The following ITGB8 variants were observed in gnomAD, a reference collection of about 807,000 sequenced individuals.
The protein encoded by ITGB8 is integrin beta-8.
A neutral mutation model predicts 89.5 loss-of-function variants in ITGB8; 30 were observed. That is an observed-to-expected ratio of 0.34 (90% CI 0.25 to 0.45). ITGB8 has a LOEUF of 0.45. Among genes scored for constraint, ITGB8 ranks in the 20% least tolerant of loss-of-function variants. ITGB8 has a pLI of 1.00. For synonymous variants in ITGB8, 335 were observed against 320.4 expected, an observed-to-expected ratio of 1.05 and a Z score of -0.49; for missense variants, 836 against 933.3, an observed-to-expected ratio of 0.90 and a Z score of 1.36.
In ITGB8 at chr7:20,381,814, G is replaced by T. The variant is rs573500863; in HGVS notation, c.889G>T (p.Ala297Ser). The T allele has an allele frequency of 3.7e-6, 6 of 1,614,064 alleles. No homozygotes were observed. In the African/African-American group the frequency reaches 5.3e-5, roughly 14 times the overall value. Reference sequence around the variant, plus strand: ...TCATCTCGCTCTTGATAGCAAATTGGCAGGCATAGTGGTGCCCAATGACGG... The same window carrying T: ...TCATCTCGCTCTTGATAGCAAATTGTCAGGCATAGTGGTGCCCAATGACGG... ...TSHLALDSKL[A>S]GIVVPNDGNC... Residue 297 changes from alanine (A) to serine (S), a missense_variant, in exon 6 of 14, where the codon GCA becomes TCA. Around this residue, in one of 5 missense-constraint regions of ITGB8, gnomAD observed 192 missense variants for 267.1 expected, o/e 0.72. Coordinates refer to ENST00000222573, the MANE Select transcript of ITGB8 (RefSeq NM_002214.3).
At chr7:20,338,829 T>C (rs2128126273) in intron 1 of ITGB8, among the ~76,000 whole-genome samples, 1 of 152,314 alleles carries the variant, frequency 6.6e-6, no homozygotes, top group East Asian at 1.9e-4. Context: ...TTGCAAATCA[T>C]GTTACAATGA....
At chr7:20,377,094 A>AC (rs1428260487) in intron 3 of ITGB8, among the ~76,000 whole-genome samples, 20 of 152,146 alleles carry the variant, frequency 1.3e-4, no homozygotes, top group African/African-American at 4.3e-4. Flanking sequence ...TGAATAGCTT[A>AC]CCTCCAAGGA....
In ITGB8 at chr7:20,409,974, G is replaced by A. The variant is rs757024284; in HGVS notation, c.2287G>A (p.Glu763Lys). The A allele has an allele frequency of 2.5e-6, 4 of 1,611,736 alleles. No homozygotes were observed. The South Asian group carries it at 4.4e-5, about 18-fold the overall frequency. Residue 763 changes from glutamate to lysine, a missense_variant, in exon 14 of 14, where the codon GAA becomes AAA. This residue lies in a region of ITGB8 where 422 missense variants were observed against 416.9 expected (regional missense o/e 1.01). Coordinates refer to ENST00000222573, the MANE Select transcript of ITGB8 (RefSeq NM_002214.3). ...GGATATCAGCAAATTAAATGCTCAT[G>A]AAACTTTCAGGTGCAACTTCTAAAA... is the stretch of plus-strand genomic sequence containing the variant. ...KMDISKLNAH[E>K]TFRCNF
intron 1 of ITGB8, among the ~76,000 whole-genome samples, chr7:20,353,758 C>T (rs1039239102): frequency 6.7e-6 from 1 of 148,522 alleles, no homozygotes; most frequent in Non-Finnish European, 1.5e-5. Context: ...ACGGTGAAAC[C>T]CCGTCTCTAC....
In ITGB8 at chr7:20,367,113, T is replaced by C. The variant is rs779524445; in HGVS notation, c.315T>C (p.His105=). The C allele has an allele frequency of 4.3e-6, 7 of 1,610,948 alleles. No homozygotes were observed. The highest frequency in any genetic ancestry group is 5.1e-6 in the Non-Finnish European group (6 of 1,177,276). ...SVDSIEYPSV[H]VIIPTENEIN... is the part of the protein sequence containing the mutation. ...ATTCAATAGAATACCCATCTGTGCA[T>C]GTTATAATACCCACTGAAAATGAAA... is the stretch of plus-strand genomic sequence containing the variant. The change falls in exon 3 of 14, where the codon CAT becomes CAC. Residue 105 remains histidine (H), a synonymous_variant. Coordinates refer to ENST00000222573, the MANE Select transcript of ITGB8 (RefSeq NM_002214.3).
chr7:20,377,667 G>C (rs1468021619), intron 3 of ITGB8, among the ~76,000 whole-genome samples: 2 of 152,202 alleles, frequency 1.3e-5, no homozygotes, highest in Non-Finnish European at 2.9e-5. Context: ...CAAGGGATGA[G>C]AGAATGGACT....
chr7:20,368,243 A>C (rs1785783487), intron 3 of ITGB8, among the ~76,000 whole-genome samples: 1 of 152,238 alleles, frequency 6.6e-6, no homozygotes, highest in African/African-American at 2.4e-5. Flanking sequence ...GGAATATACA[A>C]AAATGAAAGT....
At chr7:20,362,348 A>G (rs939118859) in intron 1 of ITGB8, among the ~76,000 whole-genome samples, 3 of 152,226 alleles carry the variant, frequency 2.0e-5, no homozygotes, top group Admixed American at 6.5e-5. Flanking sequence ...ACATACACAC[A>G]TGTGCATGAG....
rs1427471425 is a variant in ITGB8 at position 20,415,457 on chromosome 7, A to G, written c.*5460A>G. On this transcript the variant is annotated 3_prime_UTR_variant, in exon 14 of 14. Coordinates refer to ENST00000222573, the MANE Select transcript of ITGB8 (RefSeq NM_002214.3). ...ATTATCACTGAACATATTTCTTATT[A>G]TTTCTGGCTTTGAATTATACGTAAC... is the stretch of plus-strand genomic sequence containing the variant. The G allele has an allele frequency of 6.6e-6, 1 of 152,464 alleles. No homozygotes were observed. Among genetic ancestry groups the G allele is most frequent in the Non-Finnish European group, 1.5e-5 (1 of 67,928 alleles). 9.4% of individuals were successfully genotyped at this position (152,464 alleles called of 1,614,324 possible).
chr7:20,389,261 T>C (rs1365739012), intron 6 of ITGB8, among the ~76,000 whole-genome samples: 1 of 152,208 alleles, frequency 6.6e-6, no homozygotes, highest in Non-Finnish European at 1.5e-5. Flanking sequence ...AAAGCATTCC[T>C]ATTTTTCCAA....
rs756525412 is a variant in ITGB8 at position 20,365,891 on chromosome 7, CT to C, written c.214-1106del. The stretch of plus-strand genomic sequence containing the variant: ...GAAGGAGAGGCAAGGGAGAGGCAGG[CT>C]TTTTTTTTTTTTTTCTCCCCATGAT... On this transcript the variant is annotated intron_variant, in intron 2 of 13. Coordinates refer to ENST00000222573, the MANE Select transcript of ITGB8 (RefSeq NM_002214.3). The C allele has an allele frequency of 4.9e-3, 664 of 136,706 alleles. 2 individuals are homozygous for C. Among genetic ancestry groups the C allele is most frequent in the South Asian group, 0.015 (65 of 4,288 alleles). The allele number at this position is 136,706 out of a possible 1,614,324, so 8.5% of individuals were successfully genotyped here. A position where few individuals can be genotyped will look rare whatever the true frequency, so the allele number is the denominator to read the frequency against.
At chr7:20,393,374 C>T (rs1562693531) in intron 7 of ITGB8, among the ~76,000 whole-genome samples, 1 of 152,200 alleles carries the variant, frequency 6.6e-6, no homozygotes, top group Non-Finnish European at 1.5e-5. Context: ...CCCATGCATG[C>T]CCCTGTAGTC....
rs1160388214 is a variant in ITGB8, at chr7:20,393,963, A to G, written c.1057-933A>G. ...GTGTTTAGTGAAGAAATTGTCATTTATATGCTTGTGAGATCCTTAAGGGTG... is the reference window on the plus strand; with the variant it reads ...GTGTTTAGTGAAGAAATTGTCATTTGTATGCTTGTGAGATCCTTAAGGGTG... On this transcript the variant is annotated intron_variant, in intron 7 of 13. Transcript: ENST00000222573. 2.6e-5 allele frequency among the ~76,000 whole-genome samples: 4 copies of G among 152,170 alleles called. 1 individual carries two copies. The highest frequency in any genetic ancestry group is 9.7e-5 in the African/African-American group (4 of 41,434).
intron 1 of ITGB8, among the ~76,000 whole-genome samples, chr7:20,350,394 C>T (rs1359185328): frequency 3.9e-5 from 6 of 152,178 alleles, no homozygotes; most frequent in Non-Finnish European, 8.8e-5. Context: ...GTGATCTGCC[C>T]GCCTCTGCCT....
intron 1 of ITGB8, among the ~76,000 whole-genome samples, chr7:20,336,987 A>G (rs1784598783): frequency 6.6e-6 from 1 of 152,242 alleles, no homozygotes; most frequent in African/African-American, 2.4e-5. Context: ...GGGTTACACC[A>G]TAAAGGACAC....
Position 20,331,626 on chromosome 7 carries a change from C to T in ITGB8, c.-181C>T. On this transcript the variant is annotated 5_prime_UTR_variant, in exon 1 of 14. Transcript: ENST00000222573. ...GAGGGCCGCAGGGGCCCTGAGATGC[C>T]GAGCGGTGCCCGGGCCCGCTTACCT... The T allele has an allele frequency of 1.6e-6, 1 of 625,282 alleles. No homozygotes were observed. The highest frequency in any genetic ancestry group is 2.5e-6 in the Non-Finnish European group (1 of 407,538). 38.7% of individuals were successfully genotyped at this position (625,282 alleles called of 1,614,324 possible).
rs371291253 is a variant in ITGB8, at chr7:20,410,212, G to A, written c.*215G>A. On this transcript the variant is annotated 3_prime_UTR_variant, in exon 14 of 14. Coordinates refer to ENST00000222573, the MANE Select transcript of ITGB8 (RefSeq NM_002214.3). ...AAAAATGTGTCTTACTACTGTTTGA[G>A]ACTAGTGTCGTTGTAGCACTTTACT... 1 of 531,386 alleles carries A rather than the reference G, an allele frequency of 1.9e-6. No individual in the cohort carries two copies. The highest frequency in any genetic ancestry group is 3.4e-5 in the East Asian group (1 of 29,778). The allele number at this position is 531,386 out of a possible 1,614,324, so 32.9% of individuals were successfully genotyped here.
In ITGB8 at chr7:20,344,087, A is replaced by G. The variant is rs759901834; in HGVS notation, c.127+12154A>G. ...TATGGGGACAGAGAGGAAGTAAGGT[A>G]TCAAGGAGATGGGGTGGCTGAGCCT... On this transcript the variant is annotated intron_variant, in intron 1 of 13. Coordinates refer to ENST00000222573, the MANE Select transcript of ITGB8 (RefSeq NM_002214.3). Among the ~76,000 whole-genome samples, 10 of 152,252 alleles carry G rather than the reference A, an allele frequency of 6.6e-5. No homozygotes were observed. In the Middle Eastern group the frequency reaches 0.01, roughly 155 times the overall value.
At chr7:20,339,481 A>G (rs1294200520) in intron 1 of ITGB8, among the ~76,000 whole-genome samples, 2 of 152,194 alleles carry the variant, frequency 1.3e-5, no homozygotes, top group Admixed American at 1.3e-4. Context: ...TTTATAATTT[A>G]ATTAAAACAG....
Sources: allele counts gnomAD v4.1 joint callset (sites outside exome capture counted in the v4.1 genomes callset), GRCh38; gene constraint gnomAD v4.1.1; regional missense constraint gnomAD v4.1.1; transcripts MANE v1.5; gene names NCBI Gene and HGNC (gene_info 2026-07-23, HGNC 2026-07-21).